The following MAGI1 variants were observed in gnomAD, a reference collection of about 807,000 sequenced individuals.
MAGI1 encodes membrane associated guanylate kinase, WW and PDZ domain containing 1, also known as membrane-associated guanylate kinase, WW and PDZ domain-containing protein 1.
A neutral mutation model predicts 139.9 loss-of-function variants in MAGI1; 58 were observed. That is an observed-to-expected ratio of 0.41 (90% confidence interval 0.34 to 0.52). MAGI1 has a LOEUF of 0.52. MAGI1 is among the 20% of genes least tolerant of loss of function. MAGI1 has a pLI of 0.12. For synonymous variants in MAGI1, 812 were observed against 737.9 expected (o/e 1.10, Z -1.63); for missense variants, 1,874 against 1,901.6 (o/e 0.99, Z 0.27).
chr3:65,793,780 G>A (rs1243607249), intron 1 of MAGI1, among the ~76,000 whole-genome samples: 3 of 152,182 alleles, frequency 2.0e-5, no homozygotes, highest in African/African-American at 4.8e-5. Flanking sequence ...AACTCTGAAG[G>A]AGAATCCAGT....
Position 65,749,453 on chromosome 3 carries a change from T to C in MAGI1, c.314-127365A>G, listed in dbSNP as rs143324697. ...ACCAAACATCATACGTTCTCACTCA[T>C]AAGTGGGAGCTAAGCTATGAGGATG... On this transcript the variant is annotated intron_variant, in intron 1 of 22. Transcript: ENST00000402939. Among the ~76,000 whole-genome samples the C allele has an allele frequency of 2.6e-3, 403 of 152,172 alleles. 1 individual carries two copies. The highest frequency in any genetic ancestry group is 5.2e-3 in the Admixed American group (80 of 15,288).
At chr3:65,661,663 G>A (rs1296297263) in intron 1 of MAGI1, among the ~76,000 whole-genome samples, 1 of 151,808 alleles carries the variant, frequency 6.6e-6, no homozygotes, top group Non-Finnish European at 1.5e-5. Flanking sequence ...TTCATAGCAT[G>A]ACACCTGGCA....
Position 65,391,144 on chromosome 3 carries a change from C to T in MAGI1, c.2414G>A (p.Arg805Gln), listed in dbSNP as rs180991722. Residue 805 changes from arginine to glutamine, a missense_variant and splice_region_variant, in exon 14 of 23, where the codon CGA becomes CAA. Around this residue, in one of 5 missense-constraint regions of MAGI1, gnomAD observed 482 missense variants for 509.6 expected, o/e 0.95. Transcript: ENST00000402939. ...ACAGAGGCCAGGATGCTACTCACGT[C>T]GGTTTTCATACATGCTCCTGGACTG... ...WAQSRSMYEN[R>Q]LPDYQEQDIF... The T allele has an allele frequency of 4.6e-5, 74 of 1,614,042 alleles. No homozygotes were observed. In the East Asian group the frequency reaches 1.2e-3, roughly 27 times the overall value.
intron 2 of MAGI1, among the ~76,000 whole-genome samples, chr3:65,499,389 C>G (rs1192719253): frequency 6.6e-6 from 1 of 152,148 alleles, no homozygotes; most frequent in Non-Finnish European, 1.5e-5. Context: ...GTGGCTCATG[C>G]CTGTAATCCC....
chr3:65,602,244 A>T (rs567049614), intron 2 of MAGI1, among the ~76,000 whole-genome samples: 1 of 152,336 alleles, frequency 6.6e-6, no homozygotes, highest in East Asian at 1.9e-4. Context: ...ACATAAAAAC[A>T]TATACATGAA....
rs9714113 is a variant in MAGI1, at chr3:65,431,835, A to G, written c.1364-954T>C. The stretch of plus-strand genomic sequence containing the variant: ...ATCCTGTCTCTACTAAAAAAAAAAA[A>G]TACAAAAATTAGCCAGATGAGGTGG... On this transcript the variant is annotated intron_variant, in intron 10 of 22. Transcript: ENST00000402939. Among the ~76,000 whole-genome samples, 3 of 152,008 alleles carry G rather than the reference A, an allele frequency of 2.0e-5. No individual in the cohort carries two copies. The East Asian group carries it at 5.8e-4, about 29-fold the overall frequency.
intron 1 of MAGI1, among the ~76,000 whole-genome samples, chr3:65,659,443 A>G (rs1488253846): frequency 6.6e-6 from 1 of 152,190 alleles, no homozygotes; most frequent in Non-Finnish European, 1.5e-5. Context: ...ACCTCATTAT[A>G]TGCTCATTAA....
chr3:65,962,581 T>C (rs1171746327), intron 1 of MAGI1, among the ~76,000 whole-genome samples: 11 of 151,650 alleles, frequency 7.3e-5, no homozygotes, highest in Admixed American at 6.6e-4. Context: ...ACGTCTGTAA[T>C]TACAGCACTT....
chr3:65,634,704 G>A (rs926569382), intron 1 of MAGI1, among the ~76,000 whole-genome samples: 1 of 152,172 alleles, frequency 6.6e-6, no homozygotes, highest in Non-Finnish European at 1.5e-5. Context: ...AATGCAGTGT[G>A]TAAGCTTGAT....
chr3:65,512,933 C>G (rs1313449876), intron 2 of MAGI1, among the ~76,000 whole-genome samples: 2 of 146,828 alleles, frequency 1.4e-5, no homozygotes, highest in Non-Finnish European at 3.0e-5. Context: ...ACGAATCCAG[C>G]AGCACATCAA....
At chr3:65,415,020 C>CAAAAAAAAAAAAAAAAAAAA (rs60234120) in intron 12 of MAGI1, among the ~76,000 whole-genome samples, 1 of 122,114 alleles carries the variant, frequency 8.2e-6, no homozygotes. Flanking sequence ...AAAAAAAAAA[C>CAAAAAAAAAAAAAAAAAAAA]AAAAAAAAAA....
chr3:65,492,237 A>G (rs775537763), intron 3 of MAGI1, among the ~76,000 whole-genome samples: 2 of 152,244 alleles, frequency 1.3e-5, no homozygotes, highest in Non-Finnish European at 2.9e-5. Context: ...GCCTCAAATA[A>G]TAATAACACT....
chr3:65,646,123 A>T (rs1467054313), intron 1 of MAGI1, among the ~76,000 whole-genome samples: 1 of 152,160 alleles, frequency 6.6e-6, no homozygotes, highest in Non-Finnish European at 1.5e-5. Flanking sequence ...GAATAAATTT[A>T]AAAACATAAC....
At chr3:65,540,319 A>T (rs1464037269) in intron 2 of MAGI1, among the ~76,000 whole-genome samples, 1 of 152,154 alleles carries the variant, frequency 6.6e-6, no homozygotes. Context: ...ACCCTGATTC[A>T]TTATTTTACA....
Position 65,355,662 on chromosome 3 carries a change from T to C in MAGI1, c.*716A>G, listed in dbSNP as rs1940165430. ...CGAACCTGACTGTCTGTGCTTGGGC[T>C]GTATTTGAGTAAAAGTGGCCGACAT... On this transcript the variant is annotated 3_prime_UTR_variant, in exon 23 of 23. Coordinates refer to ENST00000402939, the MANE Select transcript of MAGI1 (RefSeq NM_001033057.2). The C allele has an allele frequency of 6.5e-6, 1 of 152,702 alleles. No homozygotes were observed. Among genetic ancestry groups the C allele is most frequent in the Non-Finnish European group, 1.5e-5 (1 of 68,054 alleles). 9.5% of individuals were successfully genotyped at this position (152,702 alleles called of 1,614,324 possible). A position where few individuals can be genotyped will look rare whatever the true frequency, so the allele number is the denominator to read the frequency against.
chr3:65,668,567 T>C lies in MAGI1; in HGVS notation c.314-46479A>G, dbSNP rs202225851. Among the ~76,000 whole-genome samples, 32 of 138,382 alleles carry C rather than the reference T, an allele frequency of 2.3e-4. No homozygotes were observed. In the East Asian group the frequency reaches 2.3e-3, roughly 10 times the overall value. 90.8% of individuals were successfully genotyped at this position (138,382 alleles called of 152,430 possible). A position where few individuals can be genotyped will look rare whatever the true frequency, so the allele number is the denominator to read the frequency against. ...GCCATTTAGTCCTTTTTTTTCTTTT[T>C]TTTTTTTTTTTTTTTTTGACACGGA... is the stretch of plus-strand genomic sequence containing the variant. On this transcript the variant is annotated intron_variant, in intron 1 of 22. Coordinates refer to ENST00000402939, the MANE Select transcript of MAGI1 (RefSeq NM_001033057.2).
intron 1 of MAGI1, among the ~76,000 whole-genome samples, chr3:65,975,527 G>T (rs1308364316): frequency 6.6e-6 from 1 of 152,008 alleles, no homozygotes; most frequent in Non-Finnish European, 1.5e-5. Context: ...AGGTGGAGGT[G>T]GGCGGATCGT....
chr3:65,401,371 C>CAA, intron 13 of MAGI1, 68 bp downstream of exon 13: 4 of 1,184,670 alleles, frequency 3.4e-6, no homozygotes, highest in East Asian at 2.6e-5. Flanking sequence ...ACAGAGTACC[C>CAA]TCCCACCTCC....
intron 1 of MAGI1, among the ~76,000 whole-genome samples, chr3:66,016,143 T>C (rs544069173): frequency 4.7e-4 from 72 of 152,230 alleles, no homozygotes; most frequent in Admixed American, 2.4e-3. Flanking sequence ...AAGCCTAGAA[T>C]CAAGTGATCA....
Sources: allele counts gnomAD v4.1 joint callset (sites outside exome capture counted in the v4.1 genomes callset), GRCh38; gene constraint gnomAD v4.1.1; regional missense constraint gnomAD v4.1.1; transcripts MANE v1.5; gene names NCBI Gene and HGNC (gene_info 2026-07-23, HGNC 2026-07-21).